Variants in OXR1 observed in about 807,000 individuals in gnomAD.
OXR1 encodes oxidation resistance protein 1.
OXR1 carries 41 observed loss-of-function variants against 104.6 expected under a neutral mutation model. That is an observed-to-expected ratio of 0.39 (90% CI 0.31 to 0.51). The LOEUF (loss-of-function observed/expected upper bound fraction) is 0.51, where lower values mean the gene tolerates loss of function less well. OXR1 is among the 20% of genes least tolerant of loss of function. The probability of loss-of-function intolerance (pLI) is 0.77; values close to 1 mark genes in which losing one functional copy is unlikely to be tolerated. For synonymous variants in OXR1, 348 were observed against 348.4 expected (o/e 1.00, Z 0.01); for missense variants, 955 against 1,031.9 (o/e 0.93, Z 1.02).
At chr8:106,290,773 A>G (rs1454828948) in intron 1 of OXR1, among the ~76,000 whole-genome samples, 2 of 152,212 alleles carry the variant, frequency 1.3e-5, no homozygotes, top group Admixed American at 6.5e-5. Context: ...CAGAATGGCT[A>G]TTATTAAAGT....
chr8:106,373,700 C>T (rs1816799858), intron 2 of OXR1, among the ~76,000 whole-genome samples: 1 of 152,180 alleles, frequency 6.6e-6, no homozygotes, highest in South Asian at 2.1e-4. Context: ...AGTGATTCTC[C>T]TGTCTCAGCC....
chr8:106,328,154 C>T (rs946452658), intron 1 of OXR1, among the ~76,000 whole-genome samples: 2 of 152,164 alleles, frequency 1.3e-5, no homozygotes, highest in East Asian at 1.9e-4. Flanking sequence ...CAGGCTTATG[C>T]GGCTCATAGC....
At chr8:106,502,389 G>T (rs1357602937) in intron 2 of OXR1, among the ~76,000 whole-genome samples, 1 of 152,138 alleles carries the variant, frequency 6.6e-6, no homozygotes, top group Non-Finnish European at 1.5e-5. Flanking sequence ...GACAGGAAAG[G>T]AGCAGACTTG....
At chr8:106,734,963 T>A (rs1834235654) in intron 11 of OXR1, among the ~76,000 whole-genome samples, 1 of 152,234 alleles carries the variant, frequency 6.6e-6, no homozygotes, top group Non-Finnish European at 1.5e-5. Flanking sequence ...TTACTCCTAA[T>A]AATTCAGAGC....
At chr8:106,311,050 G>A (rs571707624) in intron 1 of OXR1, among the ~76,000 whole-genome samples, 2 of 151,854 alleles carry the variant, frequency 1.3e-5, no homozygotes, top group Non-Finnish European at 2.9e-5. Context: ...TACAATATGT[G>A]TATTGGACCA....
At chr8:106,681,265 C>T (rs932034067) in intron 4 of OXR1, among the ~76,000 whole-genome samples, 14 of 151,644 alleles carry the variant, frequency 9.2e-5, no homozygotes, top group Admixed American at 3.3e-4. Context: ...TTACAGAGAC[C>T]TTTTATATAT....
intron 2 of OXR1, among the ~76,000 whole-genome samples, chr8:106,389,355 T>G (rs1817506004): frequency 6.6e-6 from 1 of 152,212 alleles, no homozygotes; most frequent in African/African-American, 2.4e-5. Flanking sequence ...AACGCCCATG[T>G]GCTGTCAGTG....
At chr8:106,670,637 T>TAA (rs2131151857) in intron 3 of OXR1, among the ~76,000 whole-genome samples, 1 of 152,140 alleles carries the variant, frequency 6.6e-6, no homozygotes, top group East Asian at 1.9e-4. Flanking sequence ...TGTAGATGGA[T>TAA]TTAGCAGCAA....
intron 3 of OXR1, among the ~76,000 whole-genome samples, chr8:106,600,766 T>C (rs551340286): frequency 1.3e-5 from 2 of 152,316 alleles, no homozygotes; most frequent in South Asian, 4.1e-4. Flanking sequence ...TCATGTCATA[T>C]AGGCTGATCT....
intron 3 of OXR1, among the ~76,000 whole-genome samples, chr8:106,545,808 G>T (rs749498386): frequency 6.6e-6 from 1 of 151,134 alleles, no homozygotes; most frequent in Non-Finnish European, 1.5e-5. Flanking sequence ...GATTAGCCTG[G>T]TGAGCATGCA....
chr8:106,655,623 G>C (rs1824988823), intron 3 of OXR1, among the ~76,000 whole-genome samples: 1 of 152,206 alleles, frequency 6.6e-6, no homozygotes. Flanking sequence ...GATGGCCTAT[G>C]ATTTTCTGGG....
At chr8:106,498,035 T>G (rs1259025440) in intron 2 of OXR1, among the ~76,000 whole-genome samples, 2 of 152,204 alleles carry the variant, frequency 1.3e-5, no homozygotes, top group African/African-American at 4.8e-5. Context: ...GACTTTTGTA[T>G]GTTTGACTTT....
chr8:106,432,167 T>A (rs1227144220), intron 2 of OXR1, among the ~76,000 whole-genome samples: 1 of 152,208 alleles, frequency 6.6e-6, no homozygotes, highest in South Asian at 2.1e-4. Context: ...TTCTCAGAAT[T>A]ACTACATCTT....
chr8:106,542,995 A>G (rs2130342645), intron 3 of OXR1, among the ~76,000 whole-genome samples: 1 of 152,280 alleles, frequency 6.6e-6, no homozygotes, highest in African/African-American at 2.4e-5. Flanking sequence ...TAAGTCCATT[A>G]GCTTTTGACT....
intron 3 of OXR1, among the ~76,000 whole-genome samples, chr8:106,594,300 T>C (rs921530554): frequency 5.3e-5 from 8 of 152,192 alleles, no homozygotes; most frequent in Admixed American, 5.2e-4. Flanking sequence ...TCAGCACCAA[T>C]GTTTCTATGT....
chr8:106,445,724 C>T (rs1819987548), intron 2 of OXR1, among the ~76,000 whole-genome samples: 1 of 152,184 alleles, frequency 6.6e-6, no homozygotes, highest in Non-Finnish European at 1.5e-5. Context: ...GACATTCATA[C>T]TAATTAATTC....
At chr8:106,725,317 GGTGGCATCAT>G (rs2131484959) in intron 11 of OXR1, among the ~76,000 whole-genome samples, 1 of 152,152 alleles carries the variant, frequency 6.6e-6, no homozygotes, top group Non-Finnish European at 1.5e-5. Context: ...TGTGTGAAAA[GGTGGCATCAT>G]GTGTGCATAC....
chr8:106,298,999 C>G (rs957845054), intron 1 of OXR1, among the ~76,000 whole-genome samples: 1 of 151,722 alleles, frequency 6.6e-6, no homozygotes, highest in African/African-American at 2.4e-5. Flanking sequence ...CTTATTTAAT[C>G]TCACACATAT....
intron 1 of OXR1, among the ~76,000 whole-genome samples, chr8:106,349,302 A>T (rs1815627081): frequency 6.6e-6 from 1 of 152,182 alleles, no homozygotes; most frequent in South Asian, 2.1e-4. Flanking sequence ...TAAACTGCCC[A>T]AAGAATTTAA....
Sources: gnomAD v4.1 joint callset for allele counts (sites outside exome capture counted in the v4.1 genomes callset) on GRCh38, gnomAD v4.1.1 for gene constraint, MANE v1.5 for transcripts, NCBI Gene and HGNC (gene_info 2026-07-23, HGNC 2026-07-21) for gene names.